Variants in PTPRD observed in about 807,000 individuals in gnomAD.
PTPRD encodes receptor-type tyrosine-protein phosphatase delta.
Under a neutral mutation model 214.5 loss-of-function variants are expected in PTPRD, and 34 were observed. The observed-to-expected ratio is 0.16, with a 90% CI of 0.12 to 0.21. The LOEUF (loss-of-function observed/expected upper bound fraction) is 0.21, where lower values mean the gene tolerates loss of function less well. Among genes scored for constraint, PTPRD ranks in the 10% least tolerant of loss-of-function variants. The probability of loss-of-function intolerance (pLI) is 1.00; values close to 1 mark genes in which losing one functional copy is unlikely to be tolerated. For synonymous variants in PTPRD, 1,128 were observed against 845.7 expected (o/e 1.33, Z -5.79); for missense variants, 2,545 against 2,398.7 (o/e 1.06, Z -1.27).
chr9:10,527,338 A>AC, intron 2 of PTPRD, among the ~76,000 whole-genome samples: 1 of 152,248 alleles, frequency 6.6e-6, no homozygotes, highest in South Asian at 2.1e-4. Context: ...CAAATGAGAT[A>AC]AGAGACTAGG....
At chr9:8,849,647 G>A (rs751027086) in intron 11 of PTPRD, among the ~76,000 whole-genome samples, 1 of 152,196 alleles carries the variant, frequency 6.6e-6, no homozygotes, top group Non-Finnish European at 1.5e-5. Context: ...AGAGAAAGGA[G>A]ATTCCAGGAA....
chr9:10,386,216 AG>A (rs2097911864), intron 2 of PTPRD, among the ~76,000 whole-genome samples: 1 of 151,908 alleles, frequency 6.6e-6, no homozygotes, highest in African/African-American at 2.4e-5. Context: ...GGCAGGTGGA[AG>A]AACCACCAAC....
At chr9:10,243,433 T>C (rs181099332) in intron 3 of PTPRD, among the ~76,000 whole-genome samples, 58 of 152,158 alleles carry the variant, frequency 3.8e-4, no homozygotes, top group Middle Eastern at 3.4e-3. Flanking sequence ...ATCATTTTAT[T>C]AGTCAAAACT....
At chr9:8,672,749 G>A (rs1189130882) in intron 12 of PTPRD, among the ~76,000 whole-genome samples, 2 of 146,758 alleles carry the variant, frequency 1.4e-5, no homozygotes, top group Non-Finnish European at 3.0e-5. Context: ...AACTGATTAT[G>A]AAATTTTTAG....
At chr9:9,989,663 G>C (rs1049628179) in intron 4 of PTPRD, among the ~76,000 whole-genome samples, 2 of 152,110 alleles carry the variant, frequency 1.3e-5, no homozygotes, top group African/African-American at 2.4e-5. Flanking sequence ...CACAGGTGTG[G>C]GTGCAAGAGG....
chr9:10,031,647 T>TATATAC lies in PTPRD; in HGVS notation c.-472+2070_-472+2071insGTATAT. Among the ~76,000 whole-genome samples the TATATAC allele has an allele frequency of 8.9e-5, 8 of 89,650 alleles. No individual in the cohort carries two copies. In the South Asian group the frequency reaches 1.3e-3, roughly 15 times the overall value. 58.8% of individuals were successfully genotyped at this position (89,650 alleles called of 152,430 possible). On this transcript the variant is annotated intron_variant, in intron 4 of 45. Transcript: ENST00000381196. ...CTCCATATATATATATATATATATA[T>TATATAC]ACACACACACACACACACATACACA...
intron 10 of PTPRD, among the ~76,000 whole-genome samples, chr9:9,032,168 C>T (rs943166226): frequency 2.0e-5 from 3 of 151,818 alleles, no homozygotes; most frequent in Non-Finnish European, 4.4e-5. Flanking sequence ...AAAGAGAGTT[C>T]CCAGCTGCTA....
intron 33 of PTPRD, among the ~76,000 whole-genome samples, chr9:8,452,535 C>T (rs867309234): frequency 2.0e-5 from 3 of 152,070 alleles, no homozygotes; most frequent in Admixed American, 6.5e-5. Context: ...TTCTCATTTT[C>T]GATTTGAAAA....
intron 3 of PTPRD, among the ~76,000 whole-genome samples, chr9:10,282,341 T>C (rs1410386822): frequency 1.3e-5 from 2 of 152,134 alleles, no homozygotes; most frequent in East Asian, 1.9e-4. Flanking sequence ...ATACAGAACT[T>C]TGTATGTGGA....
At chr9:8,370,413 C>A (rs2134351455) in intron 39 of PTPRD, among the ~76,000 whole-genome samples, 1 of 152,126 alleles carries the variant, frequency 6.6e-6, no homozygotes. Flanking sequence ...AATGTATATG[C>A]TGTATGACCT....
At chr9:8,551,483 C>T (rs2082092786) in intron 14 of PTPRD, among the ~76,000 whole-genome samples, 1 of 151,490 alleles carries the variant, frequency 6.6e-6, no homozygotes, top group South Asian at 2.1e-4. Flanking sequence ...TTCTCTTTTC[C>T]TTTTCTTCCT....
chr9:10,459,383 T>C (rs909236099), intron 2 of PTPRD, among the ~76,000 whole-genome samples: 3 of 152,170 alleles, frequency 2.0e-5, no homozygotes, highest in Admixed American at 1.3e-4. Context: ...GTCTTTACAG[T>C]AGAATGATTT....
At chr9:9,965,529 C>T (rs1017960510) in intron 4 of PTPRD, among the ~76,000 whole-genome samples, 2 of 152,128 alleles carry the variant, frequency 1.3e-5, no homozygotes, top group African/African-American at 2.4e-5. Flanking sequence ...GGACCTCATG[C>T]CATGCTAAGG....
At chr9:8,919,668 C>T (rs1202729317) in intron 11 of PTPRD, among the ~76,000 whole-genome samples, 1 of 152,052 alleles carries the variant, frequency 6.6e-6, no homozygotes, top group Non-Finnish European at 1.5e-5. Flanking sequence ...GTTTTGGAAT[C>T]ACTAATGTGT....
chr9:9,840,761 C>CAAAAAAAAAAAAAAAAAAA (rs59780411), intron 5 of PTPRD, among the ~76,000 whole-genome samples: 1 of 61,622 alleles, frequency 1.6e-5, no homozygotes, highest in Non-Finnish European at 2.6e-5. Flanking sequence ...GACTCCGTTT[C>CAAAAAAAAAAAAAAAAAAA]AAAAAAAAAA....
intron 11 of PTPRD, among the ~76,000 whole-genome samples, chr9:8,989,874 T>G (rs1370239392): frequency 6.6e-6 from 1 of 152,158 alleles, no homozygotes; most frequent in Non-Finnish European, 1.5e-5. Context: ...GAAATCATGA[T>G]TTAATCTTAA....
At chr9:9,075,340 A>G (rs936860296) in intron 10 of PTPRD, among the ~76,000 whole-genome samples, 1 of 152,086 alleles carries the variant, frequency 6.6e-6, no homozygotes, top group Non-Finnish European at 1.5e-5. Flanking sequence ...AGTATAATAA[A>G]TTTTTGTTGA....
chr9:10,507,196 G>A lies in PTPRD; in HGVS notation c.-600+105202C>T, dbSNP rs199837359. Reference sequence around the variant, plus strand: ...AGATCATGAGTGAACTCCCATTCACGATTGCTTCAAAGAGAATAAAATACC... The same window carrying A: ...AGATCATGAGTGAACTCCCATTCACAATTGCTTCAAAGAGAATAAAATACC... On this transcript the variant is annotated intron_variant, in intron 2 of 45. Coordinates refer to ENST00000381196, the MANE Select transcript of PTPRD (RefSeq NM_002839.4). 2.2e-4 allele frequency among the ~76,000 whole-genome samples: 34 copies of A among 151,980 alleles called. 1 individual carries two copies. Among genetic ancestry groups the A allele is most frequent in the Middle Eastern group, 6.8e-3 (2 of 292 alleles).
intron 6 of PTPRD, among the ~76,000 whole-genome samples, chr9:9,746,812 A>G (rs1294477300): frequency 6.8e-6 from 1 of 147,078 alleles, no homozygotes; most frequent in Non-Finnish European, 1.5e-5. Flanking sequence ...ATGTGCTTGA[A>G]AAGTTTTTTT....
Sources: gnomAD v4.1 joint callset for allele counts (sites outside exome capture counted in the v4.1 genomes callset) on GRCh38, gnomAD v4.1.1 for gene constraint, MANE v1.5 for transcripts, NCBI Gene and HGNC (gene_info 2026-07-23, HGNC 2026-07-21) for gene names.